PTPRM: variants seen among roughly 807,000 people sequenced by gnomAD.
PTPRM encodes the protein receptor-type tyrosine-protein phosphatase mu.
PTPRM carries 47 observed loss-of-function variants against 186.7 expected under a neutral mutation model. The ratio of observed to expected loss-of-function variants is 0.25; its 90% CI spans 0.20 to 0.32. PTPRM has a LOEUF of 0.32. Among genes scored for constraint, PTPRM ranks in the 10% least tolerant of loss-of-function variants. The pLI is 1.00. For missense variants in PTPRM, 1,494 were observed against 1,865.0 expected, an observed-to-expected ratio of 0.80 and a Z score of 3.66; for synonymous variants, 668 against 674.9, an observed-to-expected ratio of 0.99 and a Z score of 0.16.
intron 2 of PTPRM, among the ~76,000 whole-genome samples, chr18:7,806,103 C>T (rs1012834889): frequency 9.2e-5 from 14 of 152,148 alleles, no homozygotes; most frequent in African/African-American, 3.4e-4. Flanking sequence ...GGGCAGGGCA[C>T]TCCCACTGGA....
intron 22 of PTPRM, among the ~76,000 whole-genome samples, chr18:8,339,997 A>G (rs1157861088): frequency 6.6e-6 from 1 of 152,098 alleles, no homozygotes; most frequent in Middle Eastern, 3.4e-3. Context: ...AAAAAACCCC[A>G]CAAAAAACAG....
intron 8 of PTPRM, among the ~76,000 whole-genome samples, chr18:8,073,369 C>G (rs2089608047): frequency 6.6e-6 from 1 of 152,222 alleles, no homozygotes; most frequent in Non-Finnish European, 1.5e-5. Flanking sequence ...TCATCATAAA[C>G]ACTTTCAAGG....
intron 19 of PTPRM, among the ~76,000 whole-genome samples, chr18:8,282,389 G>T (rs1037616733): frequency 1.3e-5 from 2 of 152,200 alleles, no homozygotes; most frequent in Non-Finnish European, 2.9e-5. Flanking sequence ...GATGCCAGGC[G>T]TAGTGGCTTA....
chr18:7,834,957 T>C (rs1238725709), intron 2 of PTPRM, among the ~76,000 whole-genome samples: 1 of 150,660 alleles, frequency 6.6e-6, no homozygotes, highest in African/African-American at 2.4e-5. Flanking sequence ...AGTTGTAATG[T>C]CTCCTTTTTC....
chr18:8,187,836 G>T (rs553682089), intron 14 of PTPRM, among the ~76,000 whole-genome samples: 7 of 152,154 alleles, frequency 4.6e-5, no homozygotes, highest in Non-Finnish European at 1.0e-4. Context: ...TGTTTTTTAG[G>T]AATTGCTTTA....
rs370746043 is a variant in PTPRM, at chr18:7,842,947, T to TATATATAGAGAGAG, written c.197-45158_197-45157insTATATAGAGAGAGA. Among the ~76,000 whole-genome samples the TATATATAGAGAGAG allele has an allele frequency of 1.2e-3, 134 of 112,086 alleles. 2 individuals carry two copies. Among genetic ancestry groups the TATATATAGAGAGAG allele is most frequent in the African/African-American group, 5.2e-3 (124 of 23,762 alleles). 73.5% of individuals were successfully genotyped at this position (112,086 alleles called of 152,430 possible). A position where few individuals can be genotyped will look rare whatever the true frequency, so the allele number is the denominator to read the frequency against. On this transcript the variant is annotated intron_variant, in intron 2 of 32. Transcript: ENST00000580170. Reference sequence around the variant, plus strand: ...GTGTGTGTGTATATATATATATATATAGAGAGAGAGAGAGAGAGAGAGAGA... The same window carrying TATATATAGAGAGAG: ...GTGTGTGTGTATATATATATATATATATATATAGAGAGAGAGAGAGAGAGAGAGAGAGAGAGAGA...
chr18:8,371,852 C>T (rs1467942274), intron 24 of PTPRM: 1 of 152,512 alleles, frequency 6.6e-6, no homozygotes, highest in African/African-American at 2.4e-5. Flanking sequence ...CTGAGGAACA[C>T]TCTGCCTTCC....
intron 1 of PTPRM, among the ~76,000 whole-genome samples, chr18:7,597,472 C>T (rs1394983830): frequency 6.6e-6 from 1 of 152,160 alleles, no homozygotes; most frequent in Non-Finnish European, 1.5e-5. Context: ...TTGTTACTCT[C>T]TTTGGCATGG....
intron 7 of PTPRM, among the ~76,000 whole-genome samples, chr18:8,002,047 C>T (rs1272325791): frequency 1.3e-5 from 2 of 152,116 alleles, no homozygotes; most frequent in Admixed American, 1.3e-4. Context: ...ATTATTTTGG[C>T]CATTAGAGGA....
intron 14 of PTPRM, among the ~76,000 whole-genome samples, chr18:8,242,982 A>G (rs892156426): frequency 2.0e-5 from 3 of 152,216 alleles, no homozygotes; most frequent in Non-Finnish European, 4.4e-5. Context: ...AGGGCATAGT[A>G]TATTTGGTAT....
intron 1 of PTPRM, among the ~76,000 whole-genome samples, chr18:7,656,050 C>T (rs1337828918): frequency 6.6e-6 from 1 of 152,152 alleles, no homozygotes; most frequent in East Asian, 1.9e-4. Flanking sequence ...AATGATCCAA[C>T]ATTGGATGCA....
chr18:8,128,788 A>G (rs2092434070), intron 13 of PTPRM, among the ~76,000 whole-genome samples: 2 of 152,146 alleles, frequency 1.3e-5, no homozygotes, highest in Admixed American at 1.3e-4. Context: ...AAATAGTATT[A>G]TTTTCCATTT....
At chr18:7,792,179 A>C (rs989822667) in intron 2 of PTPRM, among the ~76,000 whole-genome samples, 4 of 152,264 alleles carry the variant, frequency 2.6e-5, no homozygotes, top group Admixed American at 6.5e-5. Flanking sequence ...TTAATAAACC[A>C]AAATGCTAAC....
chr18:7,944,938 A>G (rs2052415922), intron 5 of PTPRM, among the ~76,000 whole-genome samples: 5 of 152,240 alleles, frequency 3.3e-5, no homozygotes, highest in African/African-American at 1.2e-4. Flanking sequence ...CACCAGTATT[A>G]AATCAGTATT....
intron 22 of PTPRM, among the ~76,000 whole-genome samples, chr18:8,336,440 T>C (rs1415688144): frequency 1.3e-5 from 2 of 152,014 alleles, no homozygotes; most frequent in Non-Finnish European, 1.5e-5. Context: ...TGGTCCAAGC[T>C]ACTCAGGAGG....
chr18:7,973,652 T>C (rs966616352), intron 7 of PTPRM, among the ~76,000 whole-genome samples: 2 of 152,186 alleles, frequency 1.3e-5, no homozygotes, highest in African/African-American at 4.8e-5. Context: ...TGCTGTTGAC[T>C]TTATTTGTGG....
chr18:7,817,840 C>T (rs2044928863), intron 2 of PTPRM, among the ~76,000 whole-genome samples: 1 of 152,176 alleles, frequency 6.6e-6, no homozygotes, highest in African/African-American at 2.4e-5. Flanking sequence ...CTGTCTTAGT[C>T]TGACTGCTGG....
chr18:8,078,631 C>T (rs1333179353), intron 9 of PTPRM, among the ~76,000 whole-genome samples: 2 of 152,154 alleles, frequency 1.3e-5, no homozygotes, highest in African/African-American at 2.4e-5. Context: ...TATTAGGCCG[C>T]TCTTGTTTGG....
chr18:7,641,586 G>A (rs1025652668), intron 1 of PTPRM, among the ~76,000 whole-genome samples: 2 of 152,164 alleles, frequency 1.3e-5, no homozygotes, highest in South Asian at 2.1e-4. Context: ...AGAAGTGGGC[G>A]GTTGCCCACA....
Sources: gnomAD v4.1 joint callset for allele counts (sites outside exome capture counted in the v4.1 genomes callset) on GRCh38, gnomAD v4.1.1 for gene constraint, MANE v1.5 for transcripts, NCBI Gene and HGNC (gene_info 2026-07-23, HGNC 2026-07-21) for gene names.